The following TBCK variants were observed in gnomAD, a reference collection of about 807,000 sequenced individuals.
The protein encoded by TBCK is TBC1 domain containing kinase.
Under a neutral mutation model 113.4 loss-of-function variants are expected in TBCK, and 99 were observed. The ratio of observed to expected loss-of-function variants is 0.87; its 90% CI spans 0.74 to 1.03. The LOEUF is 1.03. Among genes scored for constraint, TBCK ranks in the 50% least tolerant of loss-of-function variants. TBCK has a pLI of 0.00. For missense variants in TBCK, 1,045 were observed against 1,061.3 expected (o/e 0.98, Z 0.21); for synonymous variants, 369 against 370.8 (o/e 1.00, Z 0.05).
intron 25 of TBCK, among the ~76,000 whole-genome samples, chr4:106,089,712 T>C (rs1739982561): frequency 6.6e-6 from 1 of 152,192 alleles, no homozygotes; most frequent in African/African-American, 2.4e-5. Flanking sequence ...AGAGAGGCAA[T>C]ACGCCCACAC....
chr4:106,078,615 A>G (rs750501081), intron 25 of TBCK, among the ~76,000 whole-genome samples: 8 of 152,146 alleles, frequency 5.3e-5, no homozygotes, highest in Non-Finnish European at 1.2e-4. Flanking sequence ...GACCTATAAC[A>G]AGTTCTGATA....
chr4:106,044,102 G>A lies in TBCK; in HGVS notation c.*2468C>T, dbSNP rs563974836. 2 of 152,162 alleles carry A rather than the reference G, an allele frequency of 1.3e-5. No individual in the cohort carries two copies. Among genetic ancestry groups the A allele is most frequent in the South Asian group, 4.2e-4 (2 of 4,810 alleles). The allele number at this position is 152,162 out of a possible 1,614,324, so 9.4% of individuals were successfully genotyped here. A position where few individuals can be genotyped will look rare whatever the true frequency, so the allele number is the denominator to read the frequency against. On this transcript the variant is annotated 3_prime_UTR_variant, in exon 26 of 26. Coordinates refer to ENST00000394708, the MANE Select transcript of TBCK (RefSeq NM_001163435.3). Reference sequence around the variant, plus strand: ...AGATCAAATGCAAAATCATGACAGAGGGTTGCTACTATTATCTTCTTACAT... The same window carrying A: ...AGATCAAATGCAAAATCATGACAGAAGGTTGCTACTATTATCTTCTTACAT...
At chr4:106,182,487 A>G (rs1419527740) in intron 22 of TBCK, 1 of 152,126 alleles carries the variant, frequency 6.6e-6, no homozygotes, top group Non-Finnish European at 1.5e-5. Context: ...CCCGTTCAGT[A>G]TGATATTGGC....
At chr4:106,183,659 C>A (rs1378417852) in intron 22 of TBCK, among the ~76,000 whole-genome samples, 1 of 152,026 alleles carries the variant, frequency 6.6e-6, no homozygotes, top group Non-Finnish European at 1.5e-5. Flanking sequence ...ATTTCCTGAC[C>A]AGCAGTTCAC....
chr4:106,312,453 A>G (rs559734019), intron 1 of TBCK, among the ~76,000 whole-genome samples: 2 of 147,636 alleles, frequency 1.4e-5, no homozygotes, highest in East Asian at 3.9e-4. Context: ...AATGACTGGC[A>G]GTAACAAGTG....
chr4:106,154,291 G>A (rs954055722), intron 23 of TBCK, among the ~76,000 whole-genome samples: 3 of 152,032 alleles, frequency 2.0e-5, no homozygotes, highest in Admixed American at 6.6e-5. Flanking sequence ...ATTTTAAGCT[G>A]ATAATATTAA....
intron 19 of TBCK, among the ~76,000 whole-genome samples, chr4:106,216,757 G>C (rs55674477): frequency 0.027 from 4,081 of 151,878 alleles, 176 homozygotes; most frequent in African/African-American, 0.094. Context: ...TCCAGGACCA[G>C]ATGGATTCAC....
intron 20 of TBCK, among the ~76,000 whole-genome samples, chr4:106,212,321 TCTGA>T (rs1756245459): frequency 6.6e-6 from 1 of 152,164 alleles, no homozygotes; most frequent in Non-Finnish European, 1.5e-5. Context: ...GATTTTCAAC[TCTGA>T]CTTTTAGCTT....
intron 19 of TBCK, among the ~76,000 whole-genome samples, chr4:106,219,516 CAT>C (rs1178985231): frequency 2.0e-5 from 3 of 151,862 alleles, no homozygotes; most frequent in African/African-American, 7.3e-5. Context: ...TATTAGAATT[CAT>C]AGAGTTCAGT....
intron 23 of TBCK, among the ~76,000 whole-genome samples, chr4:106,139,617 A>G (rs1214702772): frequency 7.1e-6 from 1 of 141,266 alleles, no homozygotes; most frequent in South Asian, 2.4e-4. Context: ...TCTTTTAAAT[A>G]GGAGAAAAAA....
chr4:106,219,338 T>C (rs1757392134), intron 19 of TBCK, among the ~76,000 whole-genome samples: 2 of 150,742 alleles, frequency 1.3e-5, no homozygotes, highest in African/African-American at 4.9e-5. Context: ...ACCCGCACAA[T>C]GTGCACATGT....
chr4:106,233,718 C>T (rs901283524), intron 15 of TBCK, 68 bp from the exon 16 acceptor site: 8 of 1,265,326 alleles, frequency 6.3e-6, no homozygotes, highest in Non-Finnish European at 5.5e-6. Flanking sequence ...ATAGAGAAAT[C>T]TATTTTTTAC....
intron 22 of TBCK, among the ~76,000 whole-genome samples, chr4:106,178,037 ACTT>A (rs950449077): frequency 2.0e-5 from 3 of 147,768 alleles, no homozygotes; most frequent in African/African-American, 7.5e-5. Context: ...GAGATCTCTC[ACTT>A]CTTTTGTTAA....
intron 23 of TBCK, among the ~76,000 whole-genome samples, chr4:106,118,309 C>T (rs1387023614): frequency 2.0e-5 from 3 of 152,110 alleles, no homozygotes; most frequent in Admixed American, 1.3e-4. Context: ...TTGGGTTTCC[C>T]CAGTTGTACT....
rs982280576 is a variant in TBCK at position 106,295,229 on chromosome 4, A to G, written c.194-63T>C. ...AATACAACATGTTAAAAACAAAATA[A>G]TACTCTCCACTGATGATATTAATAT... is the stretch of plus-strand genomic sequence containing the variant. On this transcript the variant is annotated intron_variant, in intron 2 of 25. Transcript: ENST00000394708. 10 of 1,425,482 alleles carry G rather than the reference A, an allele frequency of 7.0e-6. No homozygotes were observed. In the Admixed American group the frequency reaches 1.1e-4, roughly 16 times the overall value. The allele number at this position is 1,425,482 out of a possible 1,614,324, so 88.3% of individuals were successfully genotyped here. A position where few individuals can be genotyped will look rare whatever the true frequency, so the allele number is the denominator to read the frequency against.
At chr4:106,159,490 A>G (rs1455042917) in intron 23 of TBCK, among the ~76,000 whole-genome samples, 1 of 152,122 alleles carries the variant, frequency 6.6e-6, no homozygotes, top group East Asian at 1.9e-4. Flanking sequence ...TATACTAACA[A>G]TGAACAATCA....
At chr4:106,137,935 C>T (rs1194324564) in intron 23 of TBCK, among the ~76,000 whole-genome samples, 1 of 140,630 alleles carries the variant, frequency 7.1e-6, no homozygotes, top group Non-Finnish European at 1.6e-5. Context: ...CTCTGGGCCT[C>T]AGTTTTCTCA....
intron 25 of TBCK, among the ~76,000 whole-genome samples, chr4:106,080,879 CAAAA>C (rs1238050254): frequency 6.6e-6 from 1 of 151,994 alleles, no homozygotes; most frequent in African/African-American, 2.4e-5. Context: ...AGATACCTCT[CAAAA>C]GAAGAAATTC....
At chr4:106,213,333 C>T (rs7674931) in intron 19 of TBCK, 19,862 of 153,156 alleles carry the variant, frequency 0.13, 1,631 homozygotes, top group South Asian at 0.24. Flanking sequence ...AGCAATTTGG[C>T]ATATTTAGAA....
Sources: allele counts gnomAD v4.1 joint callset (sites outside exome capture counted in the v4.1 genomes callset), GRCh38; gene constraint gnomAD v4.1.1; transcripts MANE v1.5; gene names NCBI Gene and HGNC (gene_info 2026-07-23, HGNC 2026-07-21).